The following LRCH4 variants were observed in gnomAD, a reference collection of about 807,000 sequenced individuals.
The protein encoded by LRCH4 is leucine-rich repeat and calponin homology domain-containing protein 4.
In LRCH4, 56 loss-of-function variants were observed where a neutral mutation model predicts 81.2. The observed-to-expected ratio is 0.69, with a 90% CI of 0.56 to 0.86. The LOEUF (loss-of-function observed/expected upper bound fraction) is 0.86, where lower values mean the gene tolerates loss of function less well. Ranked by LOEUF, LRCH4 falls within the 40% of genes least tolerant of loss-of-function variation. The probability of loss-of-function intolerance (pLI) is 0.00; values close to 1 mark genes in which losing one functional copy is unlikely to be tolerated. For synonymous variants in LRCH4, 442 were observed against 409.7 expected (o/e 1.08, Z -0.95); for missense variants, 895 against 922.8 (o/e 0.97, Z 0.39).
rs768321694 is a variant in LRCH4 at position 100,577,319 on chromosome 7, G to A, written c.1249C>T (p.Arg417Trp). 6 of 1,597,602 alleles carry A rather than the reference G, an allele frequency of 3.8e-6. No individual in the cohort carries two copies. In the South Asian group the frequency reaches 4.4e-5, roughly 12 times the overall value. The change falls in exon 11 of 18, where the codon CGG becomes TGG. Residue 417 changes from arginine (R) to tryptophan (W), a missense_variant. Arg to Trp is a moderately radical substitution (Grantham distance 101). This residue lies in a region of LRCH4 where 529 missense variants were observed against 504.9 expected (regional missense o/e 1.05). Transcript: ENST00000310300. This position sits in a 1 kb window ranked among gnomAD's most constrained non-coding sequence, Gnocchi z 6.7. The part of the protein sequence containing the change: ...TLQLWQERER[R>W]QQQQSGAWGA... ...CACGCCCCGCTCTGCTGCTGCTGCCGCCGTTCCCGCTCCTGCCACAGCTGC... is the reference window on the plus strand; with the variant it reads ...CACGCCCCGCTCTGCTGCTGCTGCCACCGTTCCCGCTCCTGCCACAGCTGC...
chr7:100,577,777 C>A lies in LRCH4; in HGVS notation c.1040-37G>T, dbSNP rs758059611. Reference sequence around the variant, plus strand: ...AGCATGTCAGCAAGTGAGCGGGGACCCAGGCCCTGGTCCAGCCCAGCTCCC... The same window carrying A: ...AGCATGTCAGCAAGTGAGCGGGGACACAGGCCCTGGTCCAGCCCAGCTCCC... On this transcript the variant is annotated intron_variant, in intron 8 of 17. Transcript: ENST00000310300. This position sits in a 1 kb window ranked among gnomAD's most constrained non-coding sequence, Gnocchi z 6.7. 6.2e-7 allele frequency: 1 copy of A among 1,613,634 alleles called. No homozygotes were observed. Among genetic ancestry groups the A allele is most frequent in the South Asian group, 1.1e-5 (1 of 91,074 alleles).
Position 100,577,994 on chromosome 7 carries a change from G to A in LRCH4, c.949-82C>T. 7.4e-7 allele frequency: 1 copy of A among 1,354,418 alleles called. No homozygotes were observed. The highest frequency in any genetic ancestry group is 1.0e-6 in the Non-Finnish European group (1 of 957,116). 83.9% of individuals were successfully genotyped at this position (1,354,418 alleles called of 1,614,324 possible). A position where few individuals can be genotyped will look rare whatever the true frequency, so the allele number is the denominator to read the frequency against. On this transcript the variant is annotated intron_variant, in intron 7 of 17. Transcript: ENST00000310300. The surrounding 1 kb of genome is among the most constrained non-coding windows in gnomAD (Gnocchi z 6.7). ...CCTGGGGGGTCCTGTGTGGGACTAA[G>A]CTCAGGGTCTCTGCTGAGCCAGCCC... is the stretch of plus-strand genomic sequence containing the variant.
rs905159484 is a variant in LRCH4 at position 100,585,817 on chromosome 7, G to A, written c.220+64C>T. The A allele has an allele frequency of 9.7e-6, 14 of 1,438,998 alleles. No homozygotes were observed. In the East Asian group the frequency reaches 3.7e-4, roughly 38 times the overall value. The allele number at this position is 1,438,998 out of a possible 1,614,324, so 89.1% of individuals were successfully genotyped here. ...GGCGGGCCCGACTCCCGGGCCGGGC[G>A]GGGCCCGGGGTGGGGCTATGCAAAT... On this transcript the variant is annotated intron_variant, in intron 1 of 17. Coordinates refer to ENST00000310300, the MANE Select transcript of LRCH4 (RefSeq NM_002319.5).
intron 1 of LRCH4, chr7:100,585,199 AGGTCACAGGCTCCACAGT>A (rs1801689793): frequency 5.1e-6 from 1 of 196,546 alleles, no homozygotes; most frequent in African/African-American, 2.4e-5. Flanking sequence ...GATCCCTATG[AGGTCACAGGCTCCACAGT>A]GACCTCACAG....
rs1469493732 is a variant in LRCH4 at position 100,581,878 on chromosome 7, A to G, written c.497T>C (p.Val166Ala). 6.2e-7 allele frequency: 1 copy of G among 1,614,114 alleles called. No homozygotes were observed. The highest frequency in any genetic ancestry group is 1.7e-5 in the Admixed American group (1 of 60,026). ...GTLGSLRQLDVSSNELQSLPS... is the reference protein window; with the variant it reads ...GTLGSLRQLDASSNELQSLPS... The stretch of plus-strand genomic sequence containing the variant: ...CAGGGATTGGAGCTCGTTGCTGCTC[A>G]CGTCCTGGTATCAGGAAGGCAGTGG... The change falls in exon 4 of 18, where the codon GTG (valine) becomes GCG (alanine). Residue 166 changes from valine to alanine, a missense_variant. Around this residue, in one of 3 missense-constraint regions of LRCH4, gnomAD observed 360 missense variants for 397.0 expected, o/e 0.91. Coordinates refer to ENST00000310300, the MANE Select transcript of LRCH4 (RefSeq NM_002319.5).
At chr7:100,584,189 A>G (rs568335827) in intron 1 of LRCH4, 1 of 456,294 alleles carries the variant, frequency 2.2e-6, no homozygotes, top group East Asian at 7.0e-5. Context: ...GCGAGGAGAG[A>G]TGGAGGGCAG....
chr7:100,583,695 C>G lies in LRCH4; in HGVS notation c.221-1236G>C, dbSNP rs1204459353. On this transcript the variant is annotated intron_variant, in intron 1 of 17. Coordinates refer to ENST00000310300, the MANE Select transcript of LRCH4 (RefSeq NM_002319.5). This position sits in a 1 kb window ranked among gnomAD's most constrained non-coding sequence, Gnocchi z 4.3. ...CCCCGGGACCCCTTTCTCTTCCTCT[C>G]TGCCCAGCCCTGGTGCACAGACAGA... Among the ~76,000 whole-genome samples the G allele has an allele frequency of 2.0e-5, 3 of 152,236 alleles. No homozygotes were observed. The highest frequency in any genetic ancestry group is 7.2e-5 in the African/African-American group (3 of 41,462).
chr7:100,575,569 G>A lies in LRCH4; in HGVS notation c.1854+136C>T. 9.3e-7 allele frequency: 1 copy of A among 1,076,598 alleles called. No homozygotes were observed. Among genetic ancestry groups the A allele is most frequent in the Non-Finnish European group, 1.4e-6 (1 of 695,876 alleles). 66.7% of individuals were successfully genotyped at this position (1,076,598 alleles called of 1,614,324 possible). A position where few individuals can be genotyped will look rare whatever the true frequency, so the allele number is the denominator to read the frequency against. On this transcript the variant is annotated intron_variant, in intron 17 of 17. Coordinates refer to ENST00000310300, the MANE Select transcript of LRCH4 (RefSeq NM_002319.5). This position sits in a 1 kb window ranked among gnomAD's most constrained non-coding sequence, Gnocchi z 5.3. The stretch of plus-strand genomic sequence containing the variant: ...GGGCAGGGGGCATGCAGGGCAGGGG[G>A]CATGCTGGGCAGGGCAGGGGCAGCC...
Position 100,577,273 on chromosome 7 carries a change from C to A in LRCH4, c.1295G>T (p.Ser432Ile). ...AGCCCCGGGCGGCCCTGGGTCCCAC[C>A]TATCCTTCCTCGGGGCCCCCCACGC... The part of the protein sequence containing the change: ...SGAWGAPRKD[S>I]LLKPGLRAVV... Residue 432 changes from serine (S) to isoleucine (I), a missense_variant and splice_region_variant, in exon 11 of 18, where the codon AGC becomes ATC. Ser to Ile is a moderately radical substitution (Grantham distance 142). Around this residue, in one of 3 missense-constraint regions of LRCH4, gnomAD observed 529 missense variants for 504.9 expected, o/e 1.05. Coordinates refer to ENST00000310300, the MANE Select transcript of LRCH4 (RefSeq NM_002319.5). This position sits in a 1 kb window ranked among gnomAD's most constrained non-coding sequence, Gnocchi z 6.7. 6.2e-7 allele frequency: 1 copy of A among 1,601,742 alleles called. No homozygotes were observed. The highest frequency in any genetic ancestry group is 8.5e-7 in the Non-Finnish European group (1 of 1,178,970).
At position 100,576,301 on chromosome 7, in the gene LRCH4, G is replaced by C. The variant is rs1801356984; in HGVS notation, c.1575C>G (p.Val525=). ...CCTGGGGGTACCGCCGAGGTCTCAG[G>C]ACAGAGTCTGGTGAGGAAGGGCCTA... ...SGSGPSSPDS[V]LRPRRYPQVP... Residue 525 remains valine (V), a synonymous_variant, in exon 15 of 18, where the codon GTC becomes GTG. Coordinates refer to ENST00000310300, the MANE Select transcript of LRCH4 (RefSeq NM_002319.5). 1 of 1,613,966 alleles carries C rather than the reference G, an allele frequency of 6.2e-7. No individual in the cohort carries two copies. The highest frequency in any genetic ancestry group is 1.3e-5 in the African/African-American group (1 of 74,930).
chr7:100,577,297 GC>G lies in LRCH4; in HGVS notation c.1270del (p.Ala424ArgfsTer11). 6.3e-7 allele frequency: 1 copy of G among 1,597,716 alleles called. No homozygotes were observed. On this transcript the variant is annotated frameshift_variant, in exon 11 of 18. Transcript: ENST00000310300. LOFTEE classifies it high-confidence loss of function. The surrounding 1 kb of genome is among the most constrained non-coding windows in gnomAD (Gnocchi z 6.7). Reference sequence around the variant, plus strand: ...CCTATCCTTCCTCGGGGCCCCCCACGCCCCGCTCTGCTGCTGCTGCCGCCGT... The same window carrying G: ...CCTATCCTTCCTCGGGGCCCCCCACGCCCGCTCTGCTGCTGCTGCCGCCGT... ...RERRQQQQSG[A>X]WGAPRKDSLL...
At position 100,585,870 on chromosome 7, in the gene LRCH4, G is replaced by T; in HGVS notation, c.220+11C>A. 6.3e-7 allele frequency: 1 copy of T among 1,586,856 alleles called. No homozygotes were observed. Among genetic ancestry groups the T allele is most frequent in the South Asian group, 1.1e-5 (1 of 88,942 alleles). On this transcript the variant is annotated intron_variant, in intron 1 of 17. Transcript: ENST00000310300. ...GGGACCCGGTTGGGCCCGGGGCCCG[G>T]CTGCACTCACCAGCCTGGGTGATGT... is the stretch of plus-strand genomic sequence containing the variant.
In LRCH4 at chr7:100,577,166, A is replaced by G. The variant is rs763630252; in HGVS notation, c.1296-12T>C. On this transcript the variant is annotated splice_polypyrimidine_tract_variant and intron_variant, in intron 11 of 17. Transcript: ENST00000310300. The surrounding 1 kb of genome is among the most constrained non-coding windows in gnomAD (Gnocchi z 6.7). The stretch of plus-strand genomic sequence containing the variant: ...CTGGCTTCAAGAGGCTGGAACAAGG[A>G]GAGGTGGGGTCAGCTAGCCCCAAGG... 3.1e-6 allele frequency: 5 copies of G among 1,613,546 alleles called. No homozygotes were observed. The highest frequency in any genetic ancestry group is 4.2e-6 in the Non-Finnish European group (5 of 1,179,960).
chr7:100,581,275 G>A (rs757786597), intron 4 of LRCH4, among the ~76,000 whole-genome samples: 10 of 152,186 alleles, frequency 6.6e-5, no homozygotes, highest in Admixed American at 3.3e-4. Context: ...AAATCAGATC[G>A]TTTACAGTTT....
chr7:100,575,324 G>A lies in LRCH4; in HGVS notation c.1855-20C>T, dbSNP rs1319877519. 6.6e-7 allele frequency: 1 copy of A among 1,525,654 alleles called. No individual in the cohort carries two copies. The highest frequency in any genetic ancestry group is 1.4e-5 in the African/African-American group (1 of 72,764). The allele number at this position is 1,525,654 out of a possible 1,614,324, so 94.5% of individuals were successfully genotyped here. A position where few individuals can be genotyped will look rare whatever the true frequency, so the allele number is the denominator to read the frequency against. On this transcript the variant is annotated intron_variant, in intron 17 of 17. Coordinates refer to ENST00000310300, the MANE Select transcript of LRCH4 (RefSeq NM_002319.5). The surrounding 1 kb of genome is among the most constrained non-coding windows in gnomAD (Gnocchi z 5.3). ...GTCAGCCTGGGGGAGAGGAGAGCAGGTGGACAAGGACAAGGGACAGACGTC... is the reference window on the plus strand; with the variant it reads ...GTCAGCCTGGGGGAGAGGAGAGCAGATGGACAAGGACAAGGGACAGACGTC...
rs1039571023 is a variant in LRCH4, at chr7:100,584,088, C to T, written c.221-1629G>A. ...GGACCCAAGACTAGGCGACACGCAGCGAAGACACTCAGAAAGAGATGGGAG... is the reference window on the plus strand; with the variant it reads ...GGACCCAAGACTAGGCGACACGCAGTGAAGACACTCAGAAAGAGATGGGAG... On this transcript the variant is annotated intron_variant, in intron 1 of 17. Coordinates refer to ENST00000310300, the MANE Select transcript of LRCH4 (RefSeq NM_002319.5). 22 of 453,366 alleles carry T rather than the reference C, an allele frequency of 4.9e-5. No homozygotes were observed. In the East Asian group the frequency reaches 1.0e-3, roughly 22 times the overall value. The allele number at this position is 453,366 out of a possible 1,614,324, so 28.1% of individuals were successfully genotyped here.
At position 100,575,534 on chromosome 7, in the gene LRCH4, G is replaced by T; in HGVS notation, c.1854+171C>A. On this transcript the variant is annotated intron_variant, in intron 17 of 17. Coordinates refer to ENST00000310300, the MANE Select transcript of LRCH4 (RefSeq NM_002319.5). This position sits in a 1 kb window ranked among gnomAD's most constrained non-coding sequence, Gnocchi z 5.3. Reference sequence around the variant, plus strand: ...GCAGGGCAGGGGATGTGTAGGACAGGTGACATGCAGGGCAGGGGGCATGCA... The same window carrying T: ...GCAGGGCAGGGGATGTGTAGGACAGTTGACATGCAGGGCAGGGGGCATGCA... 1 of 908,152 alleles carries T rather than the reference G, an allele frequency of 1.1e-6. No homozygotes were observed. Among genetic ancestry groups the T allele is most frequent in the Admixed American group, 1.7e-5 (1 of 58,430 alleles). 56.3% of individuals were successfully genotyped at this position (908,152 alleles called of 1,614,324 possible).
Position 100,575,064 on chromosome 7 carries a change from T to C in LRCH4, c.*43A>G. On this transcript the variant is annotated 3_prime_UTR_variant, in exon 18 of 18. Transcript: ENST00000310300. The surrounding 1 kb of genome is among the most constrained non-coding windows in gnomAD (Gnocchi z 5.3). ...TCGGGTGGAGCAGGGACCTTATAAA[T>C]AGAGAGGAAGGGAAAGGGGTGAGGG... 2 of 1,552,580 alleles carry C rather than the reference T, an allele frequency of 1.3e-6. 1 individual carries two copies. Among genetic ancestry groups the C allele is most frequent in the Non-Finnish European group, 1.7e-6 (2 of 1,143,406 alleles).
At chr7:100,584,596 T>G in intron 1 of LRCH4, 1 of 414,868 alleles carries the variant, frequency 2.4e-6, no homozygotes. Context: ...GCTGCTGAGG[T>G]CAATCTGGAG....
Sources: gnomAD v4.1 joint callset for allele counts (sites outside exome capture counted in the v4.1 genomes callset) on GRCh38, gnomAD v4.1.1 for gene constraint, gnomAD v4.1.1 regional missense constraint, Gnocchi (gnomAD v3.1) non-coding constraint, MANE v1.5 for transcripts, NCBI Gene and HGNC (gene_info 2026-07-23, HGNC 2026-07-21) for gene names.